ODAD2: variants seen among roughly 807,000 people sequenced by gnomAD.
The protein encoded by ODAD2 is outer dynein arm docking complex subunit 2, also known as outer dynein arm-docking complex subunit 2.
In ODAD2, 89 loss-of-function variants were observed where a neutral mutation model predicts 106.8. That is an observed-to-expected ratio of 0.83 (90% CI 0.70 to 0.99). The LOEUF (loss-of-function observed/expected upper bound fraction) is 0.99, where lower values mean the gene tolerates loss of function less well. ODAD2 is among the 50% of genes least tolerant of loss of function. The probability of loss-of-function intolerance (pLI) is 0.00; values close to 1 mark genes in which losing one functional copy is unlikely to be tolerated. For missense variants in ODAD2, 1,168 were observed against 1,238.5 expected (o/e 0.94, Z 0.85); for synonymous variants, 404 against 436.2 (o/e 0.93, Z 0.92).
rs534486700 is a variant in ODAD2 at position 27,991,064 on chromosome 10, T to C, written c.225-3521A>G. On this transcript the variant is annotated intron_variant, in intron 2 of 19. Transcript: ENST00000305242. ...AGAAAGAATCAAAGTGCCTTGGTTCTATGTACCACAGATGGTATTGCCATT... is the reference window on the plus strand; with the variant it reads ...AGAAAGAATCAAAGTGCCTTGGTTCCATGTACCACAGATGGTATTGCCATT... Among the ~76,000 whole-genome samples, 19 of 152,360 alleles carry C rather than the reference T, an allele frequency of 1.2e-4. No individual in the cohort carries two copies. The South Asian group carries it at 1.4e-3, about 12-fold the overall frequency.
chr10:27,822,617 T>C (rs1369073575), intron 19 of ODAD2, among the ~76,000 whole-genome samples: 1 of 152,210 alleles, frequency 6.6e-6, no homozygotes, highest in African/African-American at 2.4e-5. Context: ...CTGCAGTTTC[T>C]TGCACATCCA....
intron 7 of ODAD2, among the ~76,000 whole-genome samples, chr10:27,977,962 G>A (rs1471134960): frequency 1.3e-5 from 2 of 152,184 alleles, no homozygotes; most frequent in East Asian, 3.8e-4. Flanking sequence ...ATGGACAGCA[G>A]TTTACCAGTT....
chr10:27,981,321 TTA>T, intron 7 of ODAD2, 143 bp downstream of exon 7: 2 of 622,492 alleles, frequency 3.2e-6, no homozygotes, highest in Non-Finnish European at 2.5e-6. Flanking sequence ...TACAGTATTT[TTA>T]TGTTATGTTA....
intron 10 of ODAD2, among the ~76,000 whole-genome samples, chr10:27,954,795 T>C (rs1847605554): frequency 6.6e-6 from 1 of 152,184 alleles, no homozygotes; most frequent in Non-Finnish European, 1.5e-5. Context: ...TCTTCCACAA[T>C]CTCCTTTATA....
At chr10:27,817,485 C>A (rs780479394) in intron 19 of ODAD2, among the ~76,000 whole-genome samples, 5 of 152,070 alleles carry the variant, frequency 3.3e-5, no homozygotes, top group Non-Finnish European at 7.4e-5. Context: ...AATTTTTTAA[C>A]CCTCATTCCC....
At chr10:27,945,400 G>A (rs1009822970) in intron 10 of ODAD2, among the ~76,000 whole-genome samples, 1 of 152,232 alleles carries the variant, frequency 6.6e-6, no homozygotes, top group Admixed American at 6.5e-5. Context: ...AAAACGTGCA[G>A]GAAGCAGCAC....
chr10:27,874,760 C>T (rs1330556202), intron 17 of ODAD2, among the ~76,000 whole-genome samples: 2 of 152,116 alleles, frequency 1.3e-5, no homozygotes, highest in Admixed American at 6.6e-5. Context: ...GTGTGTAACC[C>T]GAACTTTCTC....
intron 19 of ODAD2, among the ~76,000 whole-genome samples, chr10:27,835,225 A>AAGC (rs1351850993): frequency 6.6e-6 from 1 of 152,170 alleles, no homozygotes; most frequent in Non-Finnish European, 1.5e-5. Flanking sequence ...TGGGCTGCTG[A>AAGC]AGCCAGCACC....
Position 27,944,273 on chromosome 10 carries a change from C to T in ODAD2, c.1692G>A (p.Lys564=). The T allele has an allele frequency of 3.1e-6, 5 of 1,613,952 alleles. No individual in the cohort carries two copies. Among genetic ancestry groups the T allele is most frequent in the East Asian group, 2.2e-5 (1 of 44,820 alleles). The part of the protein sequence containing the change: ...LAAETIANVA[K]FKRARRVVRQ... Reference sequence around the variant, plus strand: ...TCACCACCCGCCGTGCTCTTTTAAACTTGGCAACATTCGCGATAGTCTCGG... The same window carrying T: ...TCACCACCCGCCGTGCTCTTTTAAATTTGGCAACATTCGCGATAGTCTCGG... Residue 564 remains lysine, a synonymous_variant, in exon 12 of 20, where the codon AAG becomes AAA. Coordinates refer to ENST00000305242, the MANE Select transcript of ODAD2 (RefSeq NM_018076.5).
At chr10:27,948,443 T>C (rs1847091853) in intron 10 of ODAD2, among the ~76,000 whole-genome samples, 1 of 152,210 alleles carries the variant, frequency 6.6e-6, no homozygotes, top group Non-Finnish European at 1.5e-5. Context: ...ATACCAGCTA[T>C]GTCAAAGGAT....
rs1845028892 is a variant in ODAD2, at chr10:27,924,014, GAAA to G, written c.2495+10993_2495+10995del. 2.3e-5 allele frequency among the ~76,000 whole-genome samples: 3 copies of G among 128,122 alleles called. 1 individual carries two copies. The highest frequency in any genetic ancestry group is 8.4e-5 in the African/African-American group (3 of 35,582). The allele number at this position is 128,122 out of a possible 152,430, so 84.1% of individuals were successfully genotyped here. A position where few individuals can be genotyped will look rare whatever the true frequency, so the allele number is the denominator to read the frequency against. The stretch of plus-strand genomic sequence containing the variant: ...AGAAAGAAAGAAAGAAAGAAAGAAA[GAAA>G]GAAAGAAGGAAAGAGAAAGAAAGAA... On this transcript the variant is annotated intron_variant, in intron 16 of 19. Coordinates refer to ENST00000305242, the MANE Select transcript of ODAD2 (RefSeq NM_018076.5).
At chr10:27,871,360 T>G (rs1840870663) in intron 17 of ODAD2, among the ~76,000 whole-genome samples, 1 of 152,248 alleles carries the variant, frequency 6.6e-6, no homozygotes, top group Admixed American at 6.5e-5. Context: ...TTTAGTTTAA[T>G]TAGATCCCAT....
intron 17 of ODAD2, among the ~76,000 whole-genome samples, chr10:27,879,584 A>G (rs1168188250): frequency 6.6e-6 from 1 of 152,082 alleles, no homozygotes; most frequent in Admixed American, 6.6e-5. Flanking sequence ...TAGGCTAAGA[A>G]CAACACTTGA....
At chr10:27,900,680 T>C (rs1221706568) in intron 17 of ODAD2, among the ~76,000 whole-genome samples, 2 of 152,094 alleles carry the variant, frequency 1.3e-5, no homozygotes, top group Admixed American at 6.5e-5. Flanking sequence ...CAAGTACCAA[T>C]AGCTGAATCG....
intron 17 of ODAD2, among the ~76,000 whole-genome samples, chr10:27,889,818 A>C (rs577168747): frequency 6.6e-6 from 1 of 152,252 alleles, no homozygotes; most frequent in South Asian, 2.1e-4. Context: ...TGGTGATCTC[A>C]TGTTGATAAT....
At chr10:27,987,831 T>C (rs1265942241) in intron 2 of ODAD2, among the ~76,000 whole-genome samples, 1 of 151,918 alleles carries the variant, frequency 6.6e-6, no homozygotes, top group African/African-American at 2.4e-5. Flanking sequence ...AGTCACAGTT[T>C]TTGTTTTTGT....
chr10:27,991,531 G>A (rs1850238745), intron 2 of ODAD2, among the ~76,000 whole-genome samples: 1 of 152,164 alleles, frequency 6.6e-6, no homozygotes, highest in African/African-American at 2.4e-5. Flanking sequence ...GTTGCCCACA[G>A]TGCATTTGGA....
intron 16 of ODAD2, 89 bp from the exon 17 acceptor site, chr10:27,907,866 T>A: frequency 1.1e-6 from 1 of 924,638 alleles, no homozygotes; most frequent in Non-Finnish European, 1.6e-6. Context: ...TTATTTTTTC[T>A]CCTTTTGATA....
At chr10:27,906,703 G>A (rs974881896) in intron 17 of ODAD2, among the ~76,000 whole-genome samples, 1 of 152,178 alleles carries the variant, frequency 6.6e-6, no homozygotes, top group Non-Finnish European at 1.5e-5. Flanking sequence ...ATGAGTTCAT[G>A]TCCTTTGCAG....
Sources: allele counts gnomAD v4.1 joint callset (sites outside exome capture counted in the v4.1 genomes callset), GRCh38; gene constraint gnomAD v4.1.1; transcripts MANE v1.5; gene names NCBI Gene and HGNC (gene_info 2026-07-23, HGNC 2026-07-21).